PPP1R12B: variants seen among roughly 807,000 people sequenced by gnomAD.
The protein encoded by PPP1R12B is myosin phosphatase target subunit 2.
A neutral mutation model predicts 126.1 loss-of-function variants in PPP1R12B; 76 were observed. The ratio of observed to expected loss-of-function variants is 0.60; its 90% CI spans 0.50 to 0.73. The LOEUF (loss-of-function observed/expected upper bound fraction) is 0.73, where lower values mean the gene tolerates loss of function less well. Ranked by LOEUF, PPP1R12B falls within the 30% of genes least tolerant of loss-of-function variation. The pLI is 0.00. For missense variants in PPP1R12B, 1,052 were observed against 1,205.1 expected, an observed-to-expected ratio of 0.87 and a Z score of 1.88; for synonymous variants, 356 against 434.7, an observed-to-expected ratio of 0.82 and a Z score of 2.25.
chr1:202,511,295 C>A (rs555078585), intron 18 of PPP1R12B, among the ~76,000 whole-genome samples: 1 of 151,856 alleles, frequency 6.6e-6, no homozygotes, highest in South Asian at 2.1e-4. Flanking sequence ...CAGCTCACTG[C>A]AATCTCCGCC....
chr1:202,422,524 A>C (rs1243024919), intron 2 of PPP1R12B, 96 bp from the exon 3 acceptor site: 1 of 1,142,964 alleles, frequency 8.7e-7, no homozygotes, highest in East Asian at 2.4e-5. Context: ...TTTTAAACTC[A>C]AAATAGAGAC....
At chr1:202,423,155 A>C (rs1669035059) in intron 3 of PPP1R12B, among the ~76,000 whole-genome samples, 1 of 152,198 alleles carries the variant, frequency 6.6e-6, no homozygotes, top group South Asian at 2.1e-4. Context: ...TATTGTAACT[A>C]ATCATGAGAA....
chr1:202,445,396 G>A (rs900395131), intron 12 of PPP1R12B, among the ~76,000 whole-genome samples: 2 of 152,176 alleles, frequency 1.3e-5, no homozygotes, highest in African/African-American at 4.8e-5. Context: ...GTATTAACCA[G>A]TCAACAGTTG....
intron 13 of PPP1R12B, among the ~76,000 whole-genome samples, chr1:202,469,753 G>A (rs1471375073): frequency 1.3e-5 from 2 of 152,062 alleles, no homozygotes; most frequent in Non-Finnish European, 2.9e-5. Flanking sequence ...TAGGGTAATT[G>A]GAAATTGAAA....
At chr1:202,532,101 G>T (rs2148940907) in intron 18 of PPP1R12B, among the ~76,000 whole-genome samples, 1 of 152,308 alleles carries the variant, frequency 6.6e-6, no homozygotes, top group African/African-American at 2.4e-5. Context: ...GCAATTTCCA[G>T]AACTGAGGGT....
rs550182955 is a variant in PPP1R12B, at chr1:202,352,050, G to A, written c.291+2908G>A. 1.2e-4 allele frequency among the ~76,000 whole-genome samples: 18 copies of A among 152,306 alleles called. No individual in the cohort carries two copies. The South Asian group carries it at 3.7e-3, about 32-fold the overall frequency. ...AACTCTGATGAAAGCCTTGGAAACTGATGCAGACTAAATTTCAGTGACTAA... is the reference window on the plus strand; with the variant it reads ...AACTCTGATGAAAGCCTTGGAAACTAATGCAGACTAAATTTCAGTGACTAA... On this transcript the variant is annotated intron_variant, in intron 1 of 23. Coordinates refer to ENST00000608999, the MANE Select transcript of PPP1R12B (RefSeq NM_002481.4).
intron 1 of PPP1R12B, among the ~76,000 whole-genome samples, chr1:202,412,632 C>T (rs1417409382): frequency 6.6e-6 from 1 of 152,078 alleles, no homozygotes; most frequent in Non-Finnish European, 1.5e-5. Flanking sequence ...AAGCAATTGA[C>T]CCAGCTGTCC....
At chr1:202,510,203 A>G (rs1290776502) in intron 18 of PPP1R12B, among the ~76,000 whole-genome samples, 1 of 152,230 alleles carries the variant, frequency 6.6e-6, no homozygotes, top group Non-Finnish European at 1.5e-5. Context: ...ACTTAGAGCT[A>G]AGGGCGTGTG....
chr1:202,489,597 C>G (rs1450533255), intron 14 of PPP1R12B, among the ~76,000 whole-genome samples: 1 of 152,108 alleles, frequency 6.6e-6, no homozygotes, highest in Non-Finnish European at 1.5e-5. Flanking sequence ...TGAAAGAAGC[C>G]AGACACAAAA....
rs530987666 is a variant in PPP1R12B, at chr1:202,565,130, G to A, written c.2757+583G>A. Among the ~76,000 whole-genome samples, 314 of 152,356 alleles carry A rather than the reference G, an allele frequency of 2.1e-3. 1 individual carries two copies. Among genetic ancestry groups the A allele is most frequent in the African/African-American group, 7.4e-3 (306 of 41,590 alleles). ...AAATAAGGAATATTAGTGGCAGAAAGACTGATAAACTATTTCCTCTCACTG... is the reference window on the plus strand; with the variant it reads ...AAATAAGGAATATTAGTGGCAGAAAAACTGATAAACTATTTCCTCTCACTG... On this transcript the variant is annotated intron_variant, in intron 21 of 23. Coordinates refer to ENST00000608999, the MANE Select transcript of PPP1R12B (RefSeq NM_002481.4). The surrounding 1 kb of genome is among the most constrained non-coding windows in gnomAD (Gnocchi z 4.3).
Position 202,437,818 on chromosome 1 carries a change from T to C in PPP1R12B, c.1255-3T>C, listed in dbSNP as rs1287234368. On this transcript the variant is annotated splice_polypyrimidine_tract_variant and splice_region_variant and intron_variant, in intron 9 of 23. Transcript: ENST00000608999. ...TCATTTCTTTTATTTGCTTCTCTCATAGTTCTCTTCTGGCCTTTTTAACAA... is the reference window on the plus strand; with the variant it reads ...TCATTTCTTTTATTTGCTTCTCTCACAGTTCTCTTCTGGCCTTTTTAACAA... 6.3e-7 allele frequency: 1 copy of C among 1,595,358 alleles called. No homozygotes were observed. The highest frequency in any genetic ancestry group is 1.8e-5 in the Admixed American group (1 of 56,732).
At chr1:202,507,238 C>T (rs1166388014) in intron 18 of PPP1R12B, among the ~76,000 whole-genome samples, 1 of 152,144 alleles carries the variant, frequency 6.6e-6, no homozygotes, top group East Asian at 1.9e-4. Flanking sequence ...TGCATTTAAC[C>T]TCTGCCTTCA....
intron 1 of PPP1R12B, among the ~76,000 whole-genome samples, chr1:202,370,966 A>AT (rs1460191722): frequency 7.5e-6 from 1 of 133,066 alleles, no homozygotes; most frequent in Non-Finnish European, 1.6e-5. Context: ...TGATATTGTC[A>AT]TTTTTTTTGA....
intron 22 of PPP1R12B, among the ~76,000 whole-genome samples, chr1:202,568,216 G>A (rs566487364): frequency 1.0e-3 from 152 of 151,642 alleles, no homozygotes; most frequent in African/African-American, 3.4e-3. Context: ...TCTCTTTACC[G>A]TTTTCATAAC....
intron 13 of PPP1R12B, among the ~76,000 whole-genome samples, chr1:202,451,650 A>C (rs1031062703): frequency 4.6e-5 from 7 of 151,864 alleles, no homozygotes; most frequent in Admixed American, 1.3e-4. Context: ...CAAAACCGCC[A>C]TTGTCATCAT....
intron 1 of PPP1R12B, among the ~76,000 whole-genome samples, chr1:202,366,241 G>T (rs1245574507): frequency 2.6e-5 from 4 of 151,962 alleles, no homozygotes; most frequent in Non-Finnish European, 5.9e-5. Context: ...CATTGTTGCT[G>T]GGTGTGGTGG....
intron 9 of PPP1R12B, among the ~76,000 whole-genome samples, chr1:202,437,580 G>T (rs1358451): frequency 0.04 from 6,161 of 152,236 alleles, 336 homozygotes; most frequent in African/African-American, 0.12. Context: ...ACCCTGTCAG[G>T]TAGGAGCACT....
chr1:202,505,978 A>G (rs1680758958), intron 18 of PPP1R12B, among the ~76,000 whole-genome samples: 1 of 152,240 alleles, frequency 6.6e-6, no homozygotes, highest in Non-Finnish European at 1.5e-5. Flanking sequence ...TTGATAAGCA[A>G]TGGCTGTTAT....
chr1:202,439,288 G>A lies in PPP1R12B; in HGVS notation c.1458+1264G>A, dbSNP rs147720500. ...AGAGGCAAGATACTGGCCCAGCAGG[G>A]TGAGTACAGTGAGGCCATCTCCATC... On this transcript the variant is annotated intron_variant, in intron 10 of 23. Transcript: ENST00000608999. 62 of 1,419,788 alleles carry A rather than the reference G, an allele frequency of 4.4e-5. No individual in the cohort carries two copies. In the Admixed American group the frequency reaches 6.9e-4, roughly 16 times the overall value. The allele number at this position is 1,419,788 out of a possible 1,614,324, so 87.9% of individuals were successfully genotyped here. A position where few individuals can be genotyped will look rare whatever the true frequency, so the allele number is the denominator to read the frequency against.
Sources: allele counts gnomAD v4.1 joint callset (sites outside exome capture counted in the v4.1 genomes callset), GRCh38; gene constraint gnomAD v4.1.1; non-coding constraint Gnocchi (gnomAD v3.1); transcripts MANE v1.5; gene names NCBI Gene and HGNC (gene_info 2026-07-23, HGNC 2026-07-21).